Variants in MAGI2 observed in about 807,000 individuals in gnomAD.
The protein encoded by MAGI2 is membrane-associated guanylate kinase, WW and PDZ domain-containing protein 2.
Under a neutral mutation model 133.3 loss-of-function variants are expected in MAGI2, and 35 were observed. The ratio of observed to expected loss-of-function variants is 0.26; its 90% CI spans 0.20 to 0.35. The LOEUF (loss-of-function observed/expected upper bound fraction) is 0.35, where lower values mean the gene tolerates loss of function less well. Ranked by LOEUF, MAGI2 falls within the 10% of genes least tolerant of loss-of-function variation. The pLI, the probability that MAGI2 is intolerant of heterozygous loss-of-function variation, is 1.00. For missense variants in MAGI2, 1,636 were observed against 1,863.4 expected, an observed-to-expected ratio of 0.88 and a Z score of 2.25; for synonymous variants, 729 against 710.6, an observed-to-expected ratio of 1.03 and a Z score of -0.41.
intron 1 of MAGI2, among the ~76,000 whole-genome samples, chr7:79,362,973 C>A (rs1842455880): frequency 6.6e-6 from 1 of 151,444 alleles, no homozygotes; most frequent in Non-Finnish European, 1.5e-5. Context: ...GCAAAAGGAA[C>A]AAAAGGCATA....
chr7:78,573,325 T>TATAAATAA (rs1563189284), intron 3 of MAGI2, among the ~76,000 whole-genome samples: 5 of 67,098 alleles, frequency 7.5e-5, no homozygotes, highest in African/African-American at 3.3e-4. Flanking sequence ...TATATAAATA[T>TATAAATAA]ATATATAAAT....
At chr7:78,391,705 T>C (rs550122063) in intron 6 of MAGI2, among the ~76,000 whole-genome samples, 3 of 152,148 alleles carry the variant, frequency 2.0e-5, no homozygotes, top group Non-Finnish European at 2.9e-5. Flanking sequence ...CATGAAAAAA[T>C]TATATGGCAT....
chr7:79,202,257 A>T (rs1187981150), intron 1 of MAGI2, among the ~76,000 whole-genome samples: 3 of 151,952 alleles, frequency 2.0e-5, no homozygotes, highest in Admixed American at 2.0e-4. Context: ...GATTTTGATT[A>T]TCTACCAAGA....
At chr7:78,722,620 C>T (rs539346399) in intron 2 of MAGI2, among the ~76,000 whole-genome samples, 26 of 152,126 alleles carry the variant, frequency 1.7e-4, no homozygotes, top group African/African-American at 6.3e-4. Context: ...AGGCACAATA[C>T]CACAATGGCA....
chr7:79,120,415 T>G (rs1819786465), intron 1 of MAGI2, among the ~76,000 whole-genome samples: 1 of 152,070 alleles, frequency 6.6e-6, no homozygotes, highest in Admixed American at 6.6e-5. Flanking sequence ...GCCTTAATGA[T>G]GCTTTTTCCC....
At chr7:78,955,764 T>C (rs1439664478) in intron 2 of MAGI2, among the ~76,000 whole-genome samples, 12 of 80,954 alleles carry the variant, frequency 1.5e-4, no homozygotes, top group African/African-American at 4.7e-4. Flanking sequence ...TTTCTTTCTT[T>C]CTTTCTTTCT....
At chr7:79,216,965 A>G (rs1830076527) in intron 1 of MAGI2, among the ~76,000 whole-genome samples, 1 of 152,090 alleles carries the variant, frequency 6.6e-6, no homozygotes, top group Admixed American at 6.5e-5. Context: ...GCCAATATTC[A>G]TTTGTTAGAA....
chr7:78,408,576 A>T (rs1378715537), intron 6 of MAGI2, among the ~76,000 whole-genome samples: 1 of 152,022 alleles, frequency 6.6e-6, no homozygotes, highest in Admixed American at 6.6e-5. Flanking sequence ...TGCTTCTTAA[A>T]AAGTGTAACC....
At chr7:79,236,902 G>T (rs572104694) in intron 1 of MAGI2, among the ~76,000 whole-genome samples, 1 of 152,238 alleles carries the variant, frequency 6.6e-6, no homozygotes, top group Non-Finnish European at 1.5e-5. Context: ...ATAATTAGCT[G>T]AGGACAGTGG....
intron 1 of MAGI2, among the ~76,000 whole-genome samples, chr7:79,251,969 C>T (rs1026256058): frequency 1.1e-4 from 16 of 151,822 alleles, no homozygotes; most frequent in Admixed American, 9.9e-4. Context: ...CCAGCCTGGG[C>T]AACTTGGCAA....
rs75542662 is a variant in MAGI2 at position 78,582,081 on chromosome 7, C to A, written c.538+45039G>T. 2.0e-3 allele frequency among the ~76,000 whole-genome samples: 305 copies of A among 152,292 alleles called. 2 individuals are homozygous for A. Among genetic ancestry groups the A allele is most frequent in the Admixed American group, 5.5e-3 (84 of 15,294 alleles). ...GGGGATGATGAGAGTGACTTTCCTG[C>A]TTCTGTTGTTTTCTCAGATGCAAAG... On this transcript the variant is annotated intron_variant, in intron 3 of 21. Transcript: ENST00000354212.
intron 6 of MAGI2, among the ~76,000 whole-genome samples, chr7:78,369,504 A>C (rs1269359749): frequency 2.0e-5 from 3 of 152,098 alleles, no homozygotes; most frequent in South Asian, 2.1e-4. Context: ...CATTTAGTGC[A>C]ATATAGAAGG....
chr7:78,497,734 A>ATCTGTCTGTCTGTCTGTCTGTCTGTCTG (rs769054184), intron 5 of MAGI2, among the ~76,000 whole-genome samples: 160 of 87,192 alleles, frequency 1.8e-3, no homozygotes, highest in Admixed American at 3.1e-3. Flanking sequence ...CTATCTATCT[A>ATCTGTCTGTCTGTCTGTCTGTCTGTCTG]TCTATCTATC....
In MAGI2 at chr7:79,135,730, C is replaced by CG. The variant is rs568201315; in HGVS notation, c.302-128525dup. Among the ~76,000 whole-genome samples, 45 of 151,696 alleles carry CG rather than the reference C, an allele frequency of 3.0e-4. No individual in the cohort carries two copies. In the East Asian group the frequency reaches 8.4e-3, roughly 28 times the overall value. ...GGTGGGATGAGAGATAGCTTGAGGT[C>CG]GGGAGTCCGAGATGAGCCTGGGCAA... On this transcript the variant is annotated intron_variant, in intron 1 of 21. Transcript: ENST00000354212.
intron 14 of MAGI2, among the ~76,000 whole-genome samples, chr7:78,176,942 CACACACACAT>C (rs1264730193): frequency 6.7e-6 from 1 of 148,602 alleles, no homozygotes; most frequent in African/African-American, 2.5e-5. Context: ...CACACACACA[CACACACACAT>C]ATATAGTATA....
At chr7:78,851,226 C>A (rs772179631) in intron 2 of MAGI2, among the ~76,000 whole-genome samples, 1 of 143,290 alleles carries the variant, frequency 7.0e-6, no homozygotes, top group Non-Finnish European at 1.5e-5. Context: ...GATTTTCTTG[C>A]CACCTTCAAT....
intron 10 of MAGI2, among the ~76,000 whole-genome samples, chr7:78,225,041 C>T (rs1418974908): frequency 2.0e-5 from 3 of 152,128 alleles, no homozygotes; most frequent in East Asian, 3.9e-4. Context: ...TGCAGATATC[C>T]TGGAAGCAAA....
At position 78,141,557 on chromosome 7, in the gene MAGI2, G is replaced by A. The variant is rs1458858415; in HGVS notation, c.2846-6351C>T. Among the ~76,000 whole-genome samples the A allele has an allele frequency of 4.6e-5, 7 of 152,130 alleles. No homozygotes were observed. The East Asian group carries it at 9.7e-4, about 21-fold the overall frequency. On this transcript the variant is annotated intron_variant, in intron 16 of 21. Coordinates refer to ENST00000354212, the MANE Select transcript of MAGI2 (RefSeq NM_012301.4). ...GTGGCAAAATTAAGAAAAAACAGACGGCATGACTTGTTTTCCTCTAGAACG... is the reference window on the plus strand; with the variant it reads ...GTGGCAAAATTAAGAAAAAACAGACAGCATGACTTGTTTTCCTCTAGAACG...
intron 6 of MAGI2, among the ~76,000 whole-genome samples, chr7:78,408,466 C>T (rs957483758): frequency 2.6e-5 from 4 of 151,902 alleles, no homozygotes; most frequent in East Asian, 1.9e-4. Context: ...ATCTTTGATA[C>T]CCAGTACCTG....
Sources: gnomAD v4.1 joint callset for allele counts (sites outside exome capture counted in the v4.1 genomes callset) on GRCh38, gnomAD v4.1.1 for gene constraint, MANE v1.5 for transcripts, NCBI Gene and HGNC (gene_info 2026-07-23, HGNC 2026-07-21) for gene names.